Variants in MATN2 observed in about 807,000 individuals in gnomAD.
The protein encoded by MATN2 is matrilin 2.
In MATN2, 69 loss-of-function variants were observed where a neutral mutation model predicts 103.2. The observed-to-expected ratio is 0.67, with a 90% CI of 0.55 to 0.82. The LOEUF is 0.82. Ranked by LOEUF, MATN2 falls within the 40% of genes least tolerant of loss-of-function variation. The probability of loss-of-function intolerance (pLI) is 0.00; values close to 1 mark genes in which losing one functional copy is unlikely to be tolerated. For synonymous variants in MATN2, 429 were observed against 450.2 expected, an observed-to-expected ratio of 0.95 and a Z score of 0.60; for missense variants, 1,023 against 1,211.5, an observed-to-expected ratio of 0.84 and a Z score of 2.31.
rs977755359 is a variant in MATN2 at position 97,932,357 on chromosome 8, A to G, written c.712+835A>G. 2.0e-5 allele frequency among the ~76,000 whole-genome samples: 3 copies of G among 152,222 alleles called. No individual in the cohort carries two copies. In the South Asian group the frequency reaches 6.2e-4, roughly 32 times the overall value. On this transcript the variant is annotated intron_variant, in intron 3 of 18. Coordinates refer to ENST00000254898, the MANE Select transcript of MATN2 (RefSeq NM_002380.5). ...TGGTGCTGGCAGGGGATGTTTTCTC[A>G]GCTGACAAAGAGGTCCAGCGTATAC...
chr8:98,013,168 T>C (rs927220451), intron 10 of MATN2, among the ~76,000 whole-genome samples: 1 of 152,328 alleles, frequency 6.6e-6, no homozygotes, highest in East Asian at 1.9e-4. Context: ...ACTTGGTGGA[T>C]AGAAAGCTAG....
intron 4 of MATN2, among the ~76,000 whole-genome samples, chr8:97,959,060 A>G (rs767911694): frequency 6.6e-6 from 1 of 152,068 alleles, no homozygotes; most frequent in Non-Finnish European, 1.5e-5. Flanking sequence ...ATCTGTCCCA[A>G]TTCTGAACTC....
chr8:98,011,210 A>G (rs1813147148), intron 10 of MATN2, among the ~76,000 whole-genome samples: 2 of 152,192 alleles, frequency 1.3e-5, no homozygotes, highest in Non-Finnish European at 2.9e-5. Flanking sequence ...CTATCAGGTC[A>G]GGATCCTGCC....
At chr8:97,966,777 T>C (rs1811495394) in intron 5 of MATN2, among the ~76,000 whole-genome samples, 1 of 152,230 alleles carries the variant, frequency 6.6e-6, no homozygotes, top group Non-Finnish European at 1.5e-5. Flanking sequence ...TATGTGTCAG[T>C]TGGTTTGTTT....
chr8:97,925,103 G>T (rs1384131826), intron 2 of MATN2, among the ~76,000 whole-genome samples: 1 of 152,138 alleles, frequency 6.6e-6, no homozygotes, highest in Non-Finnish European at 1.5e-5. Context: ...CCACGTGGTG[G>T]AAGATTTATA....
chr8:97,894,881 T>C (rs974159077), intron 2 of MATN2, among the ~76,000 whole-genome samples: 4 of 146,456 alleles, frequency 2.7e-5, no homozygotes, highest in East Asian at 2.0e-4. Flanking sequence ...TAACCCCCCC[T>C]TTTTTTTTTG....
intron 7 of MATN2, among the ~76,000 whole-genome samples, chr8:97,995,383 TA>T (rs1456268776): frequency 2.0e-5 from 3 of 152,196 alleles, no homozygotes; most frequent in Non-Finnish European, 2.9e-5. Context: ...AAATTGAAGC[TA>T]TTTTTTTTTT....
chr8:97,908,473 T>C (rs1819255233), intron 2 of MATN2, among the ~76,000 whole-genome samples: 1 of 152,162 alleles, frequency 6.6e-6, no homozygotes, highest in South Asian at 2.1e-4. Flanking sequence ...GAGCTTCTCA[T>C]CTCTGGGCCT....
chr8:98,033,259 G>A (rs548849444), intron 17 of MATN2, 83 bp downstream of exon 17: 87 of 1,215,202 alleles, frequency 7.2e-5, no homozygotes, highest in African/African-American at 7.0e-4. Flanking sequence ...AAGGAGGAAA[G>A]GAAAGAAGGA....
intron 2 of MATN2, among the ~76,000 whole-genome samples, chr8:97,905,535 T>C (rs1373624255): frequency 6.6e-6 from 1 of 152,262 alleles, no homozygotes; most frequent in African/African-American, 2.4e-5. Context: ...GGTTCATCCA[T>C]GTTGTAGCAT....
chr8:97,946,154 T>G (rs1342816915), intron 4 of MATN2, among the ~76,000 whole-genome samples: 2 of 152,204 alleles, frequency 1.3e-5, no homozygotes, highest in African/African-American at 4.8e-5. Flanking sequence ...GAAACACATC[T>G]TTTGATGACC....
At chr8:97,951,597 T>G (rs1201844224) in intron 4 of MATN2, among the ~76,000 whole-genome samples, 1 of 152,130 alleles carries the variant, frequency 6.6e-6, no homozygotes, top group Non-Finnish European at 1.5e-5. Context: ...TACGCTGCAG[T>G]TTAAGGACTA....
chr8:97,893,065 G>A (rs187628130), intron 2 of MATN2, among the ~76,000 whole-genome samples: 1 of 152,150 alleles, frequency 6.6e-6, no homozygotes, highest in Non-Finnish European at 1.5e-5. Flanking sequence ...ATTTTGCAGG[G>A]GTAGGAGCTG....
At chr8:97,939,673 T>C (rs775977694) in intron 3 of MATN2, among the ~76,000 whole-genome samples, 2 of 152,166 alleles carry the variant, frequency 1.3e-5, no homozygotes, top group Non-Finnish European at 2.9e-5. Flanking sequence ...AATTTAGAGA[T>C]ATTTTAAATT....
chr8:97,970,614 T>C (rs763329355), intron 5 of MATN2, among the ~76,000 whole-genome samples: 9 of 152,232 alleles, frequency 5.9e-5, no homozygotes, highest in Middle Eastern at 3.4e-3. Context: ...GCCAAGAAGA[T>C]GGGAGATCAG....
chr8:97,953,793 C>CAA (rs71271176), intron 4 of MATN2, among the ~76,000 whole-genome samples: 2,242 of 119,268 alleles, frequency 0.019, 48 homozygotes, highest in Admixed American at 0.039. Flanking sequence ...TCCATCTCAC[C>CAA]AAAAAAAAAA....
At chr8:97,933,589 C>T (rs779374487) in intron 3 of MATN2, among the ~76,000 whole-genome samples, 9 of 144,528 alleles carry the variant, frequency 6.2e-5, no homozygotes, top group Non-Finnish European at 4.5e-5. Flanking sequence ...TGTGGAAAAA[C>T]CATCTCTGTG....
intron 1 of MATN2, among the ~76,000 whole-genome samples, chr8:97,873,907 C>T (rs913549142): frequency 9.9e-5 from 15 of 152,178 alleles, no homozygotes; most frequent in African/African-American, 2.2e-4. Flanking sequence ...AGATTATAGG[C>T]GTGAGGCACC....
At chr8:98,001,496 A>G (rs936320708) in intron 7 of MATN2, among the ~76,000 whole-genome samples, 5 of 129,818 alleles carry the variant, frequency 3.9e-5, no homozygotes, top group African/African-American at 1.5e-4. Flanking sequence ...ACAGAGTCTC[A>G]CTCTGTTGCC....
Sources: gnomAD v4.1 joint callset for allele counts (sites outside exome capture counted in the v4.1 genomes callset) on GRCh38, gnomAD v4.1.1 for gene constraint, MANE v1.5 for transcripts, NCBI Gene and HGNC (gene_info 2026-07-23, HGNC 2026-07-21) for gene names.